Variants in CRACD observed in about 807,000 individuals in gnomAD.
CRACD encodes capping protein-inhibiting regulator of actin dynamics.
CRACD carries 56 observed loss-of-function variants against 106.8 expected under a neutral mutation model. The ratio of observed to expected loss-of-function variants is 0.52; its 90% confidence interval spans 0.42 to 0.66. The LOEUF (loss-of-function observed/expected upper bound fraction) is 0.66. Ranked by LOEUF, CRACD falls within the 30% of genes least tolerant of loss-of-function variation. The probability of loss-of-function intolerance (pLI) is 0.00; values close to 1 mark genes in which losing one functional copy is unlikely to be tolerated. For missense variants in CRACD, 1,730 were observed against 1,623.2 expected, an observed-to-expected ratio of 1.07 and a Z score of -1.13; for synonymous variants, 754 against 670.8, an observed-to-expected ratio of 1.12 and a Z score of -1.92.
Position 56,327,974 on chromosome 4 carries a change from G to T in CRACD, c.*170G>T. 1 of 600,114 alleles carries T rather than the reference G, an allele frequency of 1.7e-6. No individual in the cohort carries two copies. The highest frequency in any genetic ancestry group is 1.9e-5 in the African/African-American group (1 of 53,924). 37.2% of individuals were successfully genotyped at this position (600,114 alleles called of 1,614,324 possible). A position where few individuals can be genotyped will look rare whatever the true frequency, so the allele number is the denominator to read the frequency against. On this transcript the variant is annotated 3_prime_UTR_variant, in exon 11 of 11. Coordinates refer to ENST00000682029, the MANE Select transcript of CRACD (RefSeq NM_001393381.1). ...ACTGGTGGTGTTCATTGTAAAGAGT[G>T]GATTTGCACAACCCTAGGTCCTGGT...
chr4:56,125,777 T>C (rs1274961888), intron 1 of CRACD, among the ~76,000 whole-genome samples: 2 of 143,202 alleles, frequency 1.4e-5, no homozygotes, highest in African/African-American at 5.1e-5. Context: ...TTTTTTTTTT[T>C]TTTTTTTTTT....
rs778081617 is a variant in CRACD at position 56,316,425 on chromosome 4, T to G, written c.2923T>G (p.Ser975Ala). ...GCCCACCAGTCAGACCCCACCAGCATCCCCACTTTCCAAACTGAGCAGGCC... is the reference window on the plus strand; with the variant it reads ...GCCCACCAGTCAGACCCCACCAGCAGCCCCACTTTCCAAACTGAGCAGGCC... ...PKPTSQTPPA[S>A]PLSKLSRPYL... The change falls in exon 8 of 11, where the codon TCC (serine) becomes GCC (alanine). Residue 975 changes from serine to alanine, a missense_variant. By Grantham distance (99) the Ser-to-Ala change is moderately conservative (BLOSUM62 1). Transcript: ENST00000682029. 6.2e-7 allele frequency: 1 copy of G among 1,613,992 alleles called. No individual in the cohort carries two copies. Among genetic ancestry groups the G allele is most frequent in the Non-Finnish European group, 8.5e-7 (1 of 1,179,948 alleles).
At chr4:56,271,123 A>AT (rs1043560471) in intron 2 of CRACD, among the ~76,000 whole-genome samples, 4 of 151,242 alleles carry the variant, frequency 2.6e-5, no homozygotes, top group African/African-American at 9.8e-5. Context: ...AAAAAAAAAA[A>AT]GTTTTTAAAA....
At position 56,323,363 on chromosome 4, in the gene CRACD, C is replaced by A. The variant is rs1404566112; in HGVS notation, c.3188-14C>A. On this transcript the variant is annotated splice_polypyrimidine_tract_variant and intron_variant, in intron 8 of 10. Transcript: ENST00000682029. ...AAGTTCATTGCAAACCGTTCTTTGT[C>A]TTATTCCCCACAGAGAAGCCGATGC... 1.3e-6 allele frequency: 2 copies of A among 1,587,294 alleles called. No individual in the cohort carries two copies. Among genetic ancestry groups the A allele is most frequent in the Non-Finnish European group, 8.5e-7 (1 of 1,173,256 alleles).
intron 3 of CRACD, among the ~76,000 whole-genome samples, chr4:56,281,694 G>A (rs1743047473): frequency 6.6e-6 from 1 of 152,188 alleles, no homozygotes; most frequent in Non-Finnish European, 1.5e-5. Context: ...TGATTCAAAT[G>A]ACAGCTACAG....
intron 3 of CRACD, among the ~76,000 whole-genome samples, chr4:56,279,061 T>C (rs1742846647): frequency 6.6e-6 from 1 of 151,840 alleles, no homozygotes; most frequent in Admixed American, 6.6e-5. Flanking sequence ...AAAATATTAA[T>C]GGTTTAGGGT....
chr4:56,232,682 A>G (rs950421318), intron 2 of CRACD, among the ~76,000 whole-genome samples: 3 of 151,608 alleles, frequency 2.0e-5, no homozygotes, highest in African/African-American at 4.8e-5. Flanking sequence ...GCTTAGCACT[A>G]TAGTTTAAAA....
chr4:56,219,470 C>T (rs1000851842), intron 2 of CRACD, among the ~76,000 whole-genome samples: 4 of 152,158 alleles, frequency 2.6e-5, no homozygotes, highest in African/African-American at 9.7e-5. Flanking sequence ...GCCTCAGCCT[C>T]CCGAGTAGCT....
chr4:56,083,263 C>T (rs1354540457), intron 1 of CRACD, among the ~76,000 whole-genome samples: 1 of 152,132 alleles, frequency 6.6e-6, no homozygotes, highest in Non-Finnish European at 1.5e-5. Context: ...TGAAATATTT[C>T]CAGGATGAAA....
intron 1 of CRACD, among the ~76,000 whole-genome samples, chr4:56,133,388 T>C (rs1298951633): frequency 6.6e-6 from 1 of 152,242 alleles, no homozygotes; most frequent in East Asian, 1.9e-4. Context: ...GTGGTTATTT[T>C]GCAATAAATA....
Position 56,314,075 on chromosome 4 carries a change from G to A in CRACD, c.573G>A (p.Arg191=). The change falls in exon 8 of 11, where the codon CGG becomes CGA. Residue 191 remains arginine (R), a synonymous_variant. Transcript: ENST00000682029. The surrounding 1 kb of genome is among the most constrained non-coding windows in gnomAD (Gnocchi z 4.4). ...ATGAGCAAGGCGGCCTTGAGAGTCG[G>A]CCCTGCCTGGACCAGAACGGACACC... ...PQHEQGGLES[R]PCLDQNGHPG... 1 of 1,614,168 alleles carries A rather than the reference G, an allele frequency of 6.2e-7. No homozygotes were observed. The highest frequency in any genetic ancestry group is 1.1e-5 in the South Asian group (1 of 91,088).
chr4:56,177,073 T>C (rs144306599), intron 1 of CRACD, among the ~76,000 whole-genome samples: 1,757 of 152,356 alleles, frequency 0.012, 16 homozygotes, highest in South Asian at 0.016. Context: ...CTAATTGCTC[T>C]ATCTAGGACT....
At chr4:56,200,087 C>G (rs929316007) in intron 2 of CRACD, among the ~76,000 whole-genome samples, 1 of 150,290 alleles carries the variant, frequency 6.7e-6, no homozygotes, top group Non-Finnish European at 1.5e-5. Context: ...TGTTGGTGAT[C>G]ACACTGGCTT....
chr4:56,074,443 T>C (rs566095582), intron 1 of CRACD, among the ~76,000 whole-genome samples: 4 of 152,172 alleles, frequency 2.6e-5, no homozygotes, highest in Non-Finnish European at 5.9e-5. Context: ...ATTCTCTTTG[T>C]AGCAGTTGTG....
At chr4:56,239,485 G>A (rs866939325) in intron 2 of CRACD, among the ~76,000 whole-genome samples, 3 of 151,886 alleles carry the variant, frequency 2.0e-5, no homozygotes, top group African/African-American at 4.8e-5. Flanking sequence ...TAATGTCAGA[G>A]TACATGTTGA....
At chr4:56,058,999 C>T (rs1239089291) in intron 1 of CRACD, among the ~76,000 whole-genome samples, 2 of 152,168 alleles carry the variant, frequency 1.3e-5, no homozygotes, top group East Asian at 1.9e-4. Context: ...AAAATATTTA[C>T]AGATTATCAT....
intron 6 of CRACD, among the ~76,000 whole-genome samples, chr4:56,312,292 G>C (rs1745209935): frequency 6.6e-6 from 1 of 151,914 alleles, no homozygotes; most frequent in Non-Finnish European, 1.5e-5. Flanking sequence ...TCCCCAGCTG[G>C]GATTACAGGT....
chr4:56,058,921 C>T (rs575319529), intron 1 of CRACD, among the ~76,000 whole-genome samples: 2 of 152,254 alleles, frequency 1.3e-5, no homozygotes, highest in Admixed American at 6.5e-5. Flanking sequence ...TAGAAATTAA[C>T]CTTTATGAAT....
chr4:56,087,931 C>T (rs910270597), intron 1 of CRACD, among the ~76,000 whole-genome samples: 1 of 152,100 alleles, frequency 6.6e-6, no homozygotes, highest in African/African-American at 2.4e-5. Context: ...CCTCATTACC[C>T]CTCTCCACTA....
Sources: allele counts gnomAD v4.1 joint callset (sites outside exome capture counted in the v4.1 genomes callset), GRCh38; gene constraint gnomAD v4.1.1; non-coding constraint Gnocchi (gnomAD v3.1); transcripts MANE v1.5; gene names NCBI Gene and HGNC (gene_info 2026-07-23, HGNC 2026-07-21).